Variants in GNB1L observed in about 807,000 individuals in gnomAD.
GNB1L encodes G protein subunit beta 1 like, also known as guanine nucleotide-binding protein subunit beta-like protein 1.
A neutral mutation model predicts 29.1 loss-of-function variants in GNB1L; 20 were observed. The observed-to-expected ratio is 0.69, with a 90% CI of 0.48 to 1.00. The LOEUF (loss-of-function observed/expected upper bound fraction) is 1.00. Among genes scored for constraint, GNB1L ranks in the 50% least tolerant of loss-of-function variants. The pLI, the probability that GNB1L is intolerant of heterozygous loss-of-function variation, is 0.00. For missense variants in GNB1L, 421 were observed against 464.9 expected, an observed-to-expected ratio of 0.91 and a Z score of 0.87; for synonymous variants, 193 against 206.5, an observed-to-expected ratio of 0.93 and a Z score of 0.56.
chr22:19,803,333 C>T (rs985991784), intron 6 of GNB1L, among the ~76,000 whole-genome samples: 1 of 152,206 alleles, frequency 6.6e-6, no homozygotes, highest in Admixed American at 6.5e-5. Flanking sequence ...AAGAGTGAGG[C>T]TCCAGGAGGA....
At chr22:19,837,950 C>G (rs148325556) in intron 2 of GNB1L, among the ~76,000 whole-genome samples, 2 of 152,182 alleles carry the variant, frequency 1.3e-5, no homozygotes, top group African/African-American at 4.8e-5. Context: ...TAAAGGGAAC[C>G]TGGAGAAGAG....
rs1418939173 is a variant in GNB1L, at chr22:19,787,716, G to A, written c.*993C>T. ...GCAATCCGGGCAGACACAGGCGTGT[G>A]TGGTCCCAGCTTCTCTGGATCTGCC... is the stretch of plus-strand genomic sequence containing the variant. On this transcript the variant is annotated 3_prime_UTR_variant, in exon 8 of 8. Coordinates refer to ENST00000329517, the MANE Select transcript of GNB1L (RefSeq NM_053004.3). 6.6e-6 allele frequency: 1 copy of A among 152,334 alleles called. No homozygotes were observed. Among genetic ancestry groups the A allele is most frequent in the Non-Finnish European group, 1.5e-5 (1 of 68,106 alleles). 9.4% of individuals were successfully genotyped at this position (152,334 alleles called of 1,614,324 possible).
At chr22:19,849,752 T>G (rs3196628) in intron 2 of GNB1L, 123,304 of 984,346 alleles carry the variant, frequency 0.13, 7,900 homozygotes, top group Middle Eastern at 0.16. Flanking sequence ...TTTCTGCTTT[T>G]TCTTCCTACT....
chr22:19,846,424 C>T (rs544602102), intron 2 of GNB1L: 5 of 985,402 alleles, frequency 5.1e-6, no homozygotes, highest in African/African-American at 1.7e-5. Flanking sequence ...ACAGCCAAGG[C>T]TTGGCCATCC....
chr22:19,804,002 G>A (rs1427628098), intron 6 of GNB1L, among the ~76,000 whole-genome samples: 5 of 152,260 alleles, frequency 3.3e-5, no homozygotes, highest in African/African-American at 7.2e-5. Context: ...CATGGCCAAC[G>A]CAGGGACTGT....
chr22:19,846,523 G>A (rs1315962540), intron 2 of GNB1L: 2 of 985,462 alleles, frequency 2.0e-6, no homozygotes, highest in Non-Finnish European at 1.2e-6. Context: ...CCAATATAGC[G>A]CTGCCAGGAA....
chr22:19,841,869 C>T (rs752131606), intron 2 of GNB1L, among the ~76,000 whole-genome samples: 2 of 152,184 alleles, frequency 1.3e-5, no homozygotes, highest in Non-Finnish European at 2.9e-5. Flanking sequence ...ACCACTGTTG[C>T]GCTTCACCAG....
At chr22:19,832,206 T>G (rs1937691530) in intron 2 of GNB1L, among the ~76,000 whole-genome samples, 1 of 151,934 alleles carries the variant, frequency 6.6e-6, no homozygotes, top group Non-Finnish European at 1.5e-5. Flanking sequence ...AGCGTGTGCT[T>G]GCAGGCCTAG....
chr22:19,784,405 A>T lies in GNB1L; in HGVS notation c.*4304T>A, dbSNP rs1391967636. On this transcript the variant is annotated 3_prime_UTR_variant, in exon 8 of 8. Coordinates refer to ENST00000329517, the MANE Select transcript of GNB1L (RefSeq NM_053004.3). Reference sequence around the variant, plus strand: ...CCTCGGTGTCTACGTGCCAAGCCCAATCTGCCTGCAGGGACACCCACTGCC... The same window carrying T: ...CCTCGGTGTCTACGTGCCAAGCCCATTCTGCCTGCAGGGACACCCACTGCC... The T allele has an allele frequency of 6.6e-6, 1 of 152,124 alleles. No individual in the cohort carries two copies. The highest frequency in any genetic ancestry group is 2.4e-5 in the African/African-American group (1 of 41,416). 9.4% of individuals were successfully genotyped at this position (152,124 alleles called of 1,614,324 possible). A position where few individuals can be genotyped will look rare whatever the true frequency, so the allele number is the denominator to read the frequency against.
At chr22:19,840,689 A>AT (rs1245486477) in intron 2 of GNB1L, among the ~76,000 whole-genome samples, 1 of 152,198 alleles carries the variant, frequency 6.6e-6, no homozygotes. Context: ...ACGTGCCTGT[A>AT]ATCCCAGCTA....
chr22:19,834,883 A>G (rs962886115), intron 2 of GNB1L, among the ~76,000 whole-genome samples: 3 of 152,216 alleles, frequency 2.0e-5, no homozygotes. Context: ...AATGCTCCCA[A>G]CATGCTAATT....
At chr22:19,851,328 G>A in intron 2 of GNB1L, 3 of 1,614,138 alleles carry the variant, frequency 1.9e-6, no homozygotes, top group Non-Finnish European at 2.5e-6. Context: ...TCTGGTCTCT[G>A]GGCAGGAGGA....
chr22:19,808,020 T>C (rs572852422), intron 5 of GNB1L, among the ~76,000 whole-genome samples: 56 of 152,324 alleles, frequency 3.7e-4, no homozygotes, highest in African/African-American at 1.3e-3. Context: ...GCGCTTCTTG[T>C]GCAGGCTGCT....
chr22:19,791,560 C>T (rs1937253707), intron 7 of GNB1L, among the ~76,000 whole-genome samples: 1 of 152,114 alleles, frequency 6.6e-6, no homozygotes, highest in Non-Finnish European at 1.5e-5. Flanking sequence ...TCTGCAGTAG[C>T]CAGAGGGCTG....
chr22:19,817,045 G>A (rs1451495531), intron 4 of GNB1L, among the ~76,000 whole-genome samples: 1 of 152,224 alleles, frequency 6.6e-6, no homozygotes, highest in Non-Finnish European at 1.5e-5. Context: ...ATCTACAAGG[G>A]ACAACAGTAA....
chr22:19,849,392 G>C (rs1938042335), intron 2 of GNB1L: 2 of 686,008 alleles, frequency 2.9e-6, no homozygotes, highest in Non-Finnish European at 3.6e-6. Flanking sequence ...TTTTGGGATG[G>C]AGTTTCACTC....
chr22:19,810,751 G>A (rs758487177), intron 5 of GNB1L, among the ~76,000 whole-genome samples: 1 of 152,250 alleles, frequency 6.6e-6, no homozygotes, highest in Non-Finnish European at 1.5e-5. Flanking sequence ...GCAGGCCAGT[G>A]AGGCTTTCTC....
chr22:19,790,708 C>T (rs1212532996), intron 7 of GNB1L, among the ~76,000 whole-genome samples: 3 of 151,756 alleles, frequency 2.0e-5, no homozygotes, highest in Non-Finnish European at 4.4e-5. Context: ...CAGGTGTGGT[C>T]GTGTAGTCCC....
intron 2 of GNB1L, among the ~76,000 whole-genome samples, chr22:19,835,239 C>T (rs1158090551): frequency 6.6e-6 from 1 of 152,200 alleles, no homozygotes; most frequent in Non-Finnish European, 1.5e-5. Context: ...CTGACTAATA[C>T]TATCTACCTA....
Sources: allele counts gnomAD v4.1 joint callset (sites outside exome capture counted in the v4.1 genomes callset), GRCh38; gene constraint gnomAD v4.1.1; transcripts MANE v1.5; gene names NCBI Gene and HGNC (gene_info 2026-07-23, HGNC 2026-07-21).